ASAP1: variants seen among roughly 807,000 people sequenced by gnomAD.
ASAP1 encodes ArfGAP with SH3 domain, ankyrin repeat and PH domain 1.
ASAP1 carries 43 observed loss-of-function variants against 145.2 expected under a neutral mutation model. The ratio of observed to expected loss-of-function variants is 0.30; its 90% CI spans 0.23 to 0.38. The LOEUF (loss-of-function observed/expected upper bound fraction) is 0.38, where lower values mean the gene tolerates loss of function less well. ASAP1 is among the 10% of genes least tolerant of loss of function. ASAP1 has a pLI of 1.00. For synonymous variants in ASAP1, 546 were observed against 515.5 expected (o/e 1.06, Z -0.80); for missense variants, 1,018 against 1,355.3 (o/e 0.75, Z 3.91).
intron 9 of ASAP1, among the ~76,000 whole-genome samples, chr8:130,171,788 T>C (rs1485327007): frequency 1.3e-5 from 2 of 152,210 alleles, no homozygotes; most frequent in African/African-American, 4.8e-5. Flanking sequence ...TTGGCAATGT[T>C]CTGCACAGAG....
At chr8:130,205,012 G>C (rs1816112394) in intron 5 of ASAP1, among the ~76,000 whole-genome samples, 1 of 152,166 alleles carries the variant, frequency 6.6e-6, no homozygotes, top group African/African-American at 2.4e-5. Flanking sequence ...GTGAGGGTGA[G>C]ACCAGCTCTT....
intron 4 of ASAP1, among the ~76,000 whole-genome samples, chr8:130,216,333 T>C (rs935436691): frequency 3.9e-5 from 6 of 152,248 alleles, no homozygotes; most frequent in Admixed American, 6.5e-5. Context: ...AACATTAATT[T>C]GTGAAAATTT....
rs368860046 is a variant in ASAP1 at position 130,188,118 on chromosome 8, T to C, written c.471A>G (p.Gly157=). The C allele has an allele frequency of 3.9e-5, 63 of 1,612,174 alleles. No homozygotes were observed. The highest frequency in any genetic ancestry group is 4.8e-5 in the Non-Finnish European group (57 of 1,178,694). ...LDSLLKGDLK[G]VKGDLKKPFD... Reference sequence around the variant, plus strand: ...ATTTCTGAACACTTACTCCTTTGACTCCCTTTAGGTCTCCTTTTAACAAAG... The same window carrying C: ...ATTTCTGAACACTTACTCCTTTGACCCCCTTTAGGTCTCCTTTTAACAAAG... The change falls in exon 6 of 30, where the codon GGA becomes GGG. Residue 157 remains glycine, a synonymous_variant. Transcript: ENST00000518721.
intron 1 of ASAP1, among the ~76,000 whole-genome samples, chr8:130,422,276 G>C (rs915906886): frequency 6.6e-6 from 1 of 152,192 alleles, no homozygotes. Context: ...AGATGAAGCC[G>C]ATGAGGACTC....
At chr8:130,426,542 C>T (rs146715835) in intron 1 of ASAP1, among the ~76,000 whole-genome samples, 1 of 152,190 alleles carries the variant, frequency 6.6e-6, no homozygotes, top group African/African-American at 2.4e-5. Context: ...CTCATCCCCA[C>T]CCCATCAACC....
chr8:130,442,602 G>T (rs549241926), intron 1 of ASAP1, among the ~76,000 whole-genome samples: 1 of 152,140 alleles, frequency 6.6e-6, no homozygotes, highest in Non-Finnish European at 1.5e-5. Flanking sequence ...TAACAGAGTA[G>T]ACAGGGGAAA....
chr8:130,320,281 A>G (rs1053161910), intron 3 of ASAP1, among the ~76,000 whole-genome samples: 2 of 152,188 alleles, frequency 1.3e-5, no homozygotes, highest in African/African-American at 4.8e-5. Context: ...GAGGGCCAGG[A>G]ACAGTGGCTG....
At chr8:130,316,022 C>G (rs1823644144) in intron 3 of ASAP1, among the ~76,000 whole-genome samples, 1 of 152,232 alleles carries the variant, frequency 6.6e-6, no homozygotes, top group African/African-American at 2.4e-5. Context: ...ACCAACTCAT[C>G]ATCTATTCCA....
At chr8:130,098,181 A>G (rs547620744) in intron 24 of ASAP1, among the ~76,000 whole-genome samples, 6 of 152,226 alleles carry the variant, frequency 3.9e-5, no homozygotes, top group African/African-American at 1.4e-4. Flanking sequence ...AGTCACAGCA[A>G]ATGAGCAGCT....
At chr8:130,341,760 C>T (rs1439978458) in intron 3 of ASAP1, among the ~76,000 whole-genome samples, 5 of 152,086 alleles carry the variant, frequency 3.3e-5, no homozygotes, top group African/African-American at 9.7e-5. Flanking sequence ...CAATGGTTCA[C>T]GAACAGGCTT....
chr8:130,431,257 A>T (rs1830124651), intron 1 of ASAP1, among the ~76,000 whole-genome samples: 1 of 151,926 alleles, frequency 6.6e-6, no homozygotes, highest in Non-Finnish European at 1.5e-5. Flanking sequence ...CACCTAATCT[A>T]TTCAGTCCAA....
intron 3 of ASAP1, among the ~76,000 whole-genome samples, chr8:130,313,437 C>T (rs1225920152): frequency 6.6e-6 from 1 of 152,112 alleles, no homozygotes; most frequent in Non-Finnish European, 1.5e-5. Flanking sequence ...TGCTATTTTG[C>T]TGTGCAATAA....
intron 3 of ASAP1, among the ~76,000 whole-genome samples, chr8:130,279,670 T>A (rs1273470387): frequency 6.6e-6 from 1 of 152,226 alleles, no homozygotes; most frequent in Non-Finnish European, 1.5e-5. Context: ...AATTTCTAGA[T>A]CTTTCTCTAT....
At chr8:130,144,798 A>T (rs949533644) in intron 13 of ASAP1, among the ~76,000 whole-genome samples, 1 of 152,150 alleles carries the variant, frequency 6.6e-6, no homozygotes, top group Non-Finnish European at 1.5e-5. Flanking sequence ...CCATTTTACT[A>T]ATTTTTTTGT....
Position 130,160,868 on chromosome 8 carries a change from T to C in ASAP1, c.910-904A>G, listed in dbSNP as rs1454046035. The C allele has an allele frequency of 2.6e-6, 3 of 1,133,136 alleles. No homozygotes were observed. In the East Asian group the frequency reaches 1.7e-4, roughly 66 times the overall value. The allele number at this position is 1,133,136 out of a possible 1,614,324, so 70.2% of individuals were successfully genotyped here. A position where few individuals can be genotyped will look rare whatever the true frequency, so the allele number is the denominator to read the frequency against. ...AAAATATAGTTAATTTCATTGAAAATGTTATCCATAATTTAAGCATTTTAT... is the reference window on the plus strand; with the variant it reads ...AAAATATAGTTAATTTCATTGAAAACGTTATCCATAATTTAAGCATTTTAT... On this transcript the variant is annotated intron_variant, in intron 11 of 29. Coordinates refer to ENST00000518721, the MANE Select transcript of ASAP1 (RefSeq NM_018482.4).
Position 130,358,973 on chromosome 8 carries a change from G to A in ASAP1, c.60-830C>T, listed in dbSNP as rs1826556518. Among the ~76,000 whole-genome samples, 1 of 151,978 alleles carries A rather than the reference G, an allele frequency of 6.6e-6. No individual in the cohort carries two copies. The highest frequency in any genetic ancestry group is 6.5e-5 in the Admixed American group (1 of 15,276). ...GTGTGGGTGCAGGAAGTGAGGCCCC[G>A]GGAGAGCCGCCTTCTACTGCGAGGG... is the stretch of plus-strand genomic sequence containing the variant. On this transcript the variant is annotated intron_variant, in intron 2 of 29. Transcript: ENST00000518721. The surrounding 1 kb of genome is among the most constrained non-coding windows in gnomAD (Gnocchi z 4.1).
intron 4 of ASAP1, among the ~76,000 whole-genome samples, chr8:130,229,242 T>A (rs1817766123): frequency 6.6e-6 from 1 of 152,282 alleles, no homozygotes; most frequent in East Asian, 1.9e-4. Context: ...GTCATAAAAA[T>A]ACACTTAAAA....
intron 3 of ASAP1, among the ~76,000 whole-genome samples, chr8:130,309,524 T>A (rs1823199742): frequency 2.0e-5 from 3 of 152,096 alleles, no homozygotes; most frequent in African/African-American, 7.2e-5. Flanking sequence ...CTGCTGCAGA[T>A]GAGGCAAGAT....
intron 5 of ASAP1, among the ~76,000 whole-genome samples, chr8:130,193,613 C>T (rs571930042): frequency 6.6e-5 from 10 of 152,176 alleles, no homozygotes; most frequent in Admixed American, 2.6e-4. Flanking sequence ...TTATAAATAA[C>T]CCCTTTTCAA....
Sources: allele counts gnomAD v4.1 joint callset (sites outside exome capture counted in the v4.1 genomes callset), GRCh38; gene constraint gnomAD v4.1.1; non-coding constraint Gnocchi (gnomAD v3.1); transcripts MANE v1.5; gene names NCBI Gene and HGNC (gene_info 2026-07-23, HGNC 2026-07-21).